Variants in GRIK4 observed in about 807,000 individuals in gnomAD.
The protein encoded by GRIK4 is glutamate receptor ionotropic, kainate 4.
A neutral mutation model predicts 104.9 loss-of-function variants in GRIK4; 40 were observed. The ratio of observed to expected loss-of-function variants is 0.38; its 90% CI spans 0.30 to 0.50. The LOEUF (loss-of-function observed/expected upper bound fraction) is 0.50, where lower values mean the gene tolerates loss of function less well. GRIK4 is among the 20% of genes least tolerant of loss of function. The pLI, the probability that GRIK4 is intolerant of heterozygous loss-of-function variation, is 0.93. For synonymous variants in GRIK4, 485 were observed against 524.9 expected, an observed-to-expected ratio of 0.92 and a Z score of 1.04; for missense variants, 1,047 against 1,308.1, an observed-to-expected ratio of 0.80 and a Z score of 3.08.
chr11:120,962,365 G>T (rs1481903298), intron 17 of GRIK4, 91 bp from the exon 18 acceptor site: 3 of 786,376 alleles, frequency 3.8e-6, no homozygotes, highest in Non-Finnish European at 2.1e-6. Context: ...AGAAGGGCCG[G>T]CATCTTAAGG....
intron 1 of GRIK4, among the ~76,000 whole-genome samples, chr11:120,556,743 G>A (rs185749468): frequency 2.0e-5 from 3 of 152,248 alleles, no homozygotes; most frequent in South Asian, 2.1e-4. Flanking sequence ...AGAGGAACAC[G>A]TTTTTAAAAC....
intron 13 of GRIK4, among the ~76,000 whole-genome samples, chr11:120,924,746 C>A (rs765462072): frequency 1.8e-4 from 28 of 152,162 alleles, no homozygotes; most frequent in Non-Finnish European, 3.7e-4. Flanking sequence ...TGTGAAAAAA[C>A]AGTTTTGGGG....
chr11:120,567,915 C>A (rs1198987671), intron 1 of GRIK4, among the ~76,000 whole-genome samples: 3 of 152,220 alleles, frequency 2.0e-5, no homozygotes, highest in Non-Finnish European at 4.4e-5. Context: ...CATGGTGGCT[C>A]ATGCCTATAA....
At chr11:120,669,712 C>A (rs1422825550) in intron 3 of GRIK4, among the ~76,000 whole-genome samples, 1 of 152,248 alleles carries the variant, frequency 6.6e-6, no homozygotes, top group Admixed American at 6.5e-5. Flanking sequence ...CTGTTTCTGG[C>A]TATTCCTTCT....
At chr11:120,529,702 C>G (rs573940893) in intron 1 of GRIK4, among the ~76,000 whole-genome samples, 1 of 152,180 alleles carries the variant, frequency 6.6e-6, no homozygotes, top group Non-Finnish European at 1.5e-5. Flanking sequence ...TAGCCTCTCT[C>G]GCAACCTGCC....
intron 1 of GRIK4, among the ~76,000 whole-genome samples, chr11:120,598,687 C>A (rs1243085574): frequency 2.6e-5 from 4 of 152,186 alleles, no homozygotes; most frequent in African/African-American, 9.7e-5. Context: ...GACCACATGG[C>A]CTCTTATCTT....
At chr11:120,850,164 A>T (rs2135597516) in intron 8 of GRIK4, among the ~76,000 whole-genome samples, 1 of 152,316 alleles carries the variant, frequency 6.6e-6, no homozygotes, top group East Asian at 1.9e-4. Flanking sequence ...CCTCTTCTGC[A>T]AACAGCCAGT....
At chr11:120,676,578 T>C (rs1950102627) in intron 3 of GRIK4, among the ~76,000 whole-genome samples, 1 of 152,166 alleles carries the variant, frequency 6.6e-6, no homozygotes, top group Non-Finnish European at 1.5e-5. Flanking sequence ...GTCTTGACTT[T>C]CTAACAACCC....
intron 6 of GRIK4, among the ~76,000 whole-genome samples, chr11:120,821,706 AG>A (rs1953130257): frequency 6.6e-6 from 1 of 152,274 alleles, no homozygotes; most frequent in African/African-American, 2.4e-5. Flanking sequence ...CTTGTTCAAC[AG>A]GCAGACCCTG....
chr11:120,747,807 G>A (rs954121477), intron 3 of GRIK4, among the ~76,000 whole-genome samples: 1 of 152,112 alleles, frequency 6.6e-6, no homozygotes, highest in Admixed American at 6.5e-5. Flanking sequence ...GTCAGCTTAG[G>A]GCCTGGCACA....
intron 3 of GRIK4, among the ~76,000 whole-genome samples, chr11:120,792,860 A>G (rs1952428680): frequency 6.6e-6 from 1 of 152,168 alleles, no homozygotes; most frequent in Non-Finnish European, 1.5e-5. Context: ...GGAGGCGGCT[A>G]TGAAATAGAT....
Position 120,519,875 on chromosome 11 carries a change from T to G in GRIK4, c.-159+7988T>G, listed in dbSNP as rs77330113. 2.2e-3 allele frequency among the ~76,000 whole-genome samples: 226 copies of G among 103,892 alleles called. 2 individuals carry two copies. Among genetic ancestry groups the G allele is most frequent in the South Asian group, 0.013 (35 of 2,742 alleles). The allele number at this position is 103,892 out of a possible 152,430, so 68.2% of individuals were successfully genotyped here. On this transcript the variant is annotated intron_variant, in intron 1 of 20. Transcript: ENST00000527524. Reference sequence around the variant, plus strand: ...GCTACCTCACTACTGGTTTTTTTTTTTTTTGTTTTTTTTTTTGTTGTTGTT... The same window carrying G: ...GCTACCTCACTACTGGTTTTTTTTTGTTTTGTTTTTTTTTTTGTTGTTGTT...
intron 7 of GRIK4, among the ~76,000 whole-genome samples, chr11:120,833,081 TTCCCTCCC>T (rs909203356): frequency 1.2e-4 from 18 of 152,124 alleles, no homozygotes; most frequent in African/African-American, 4.1e-4. Context: ...TCTCCCCTCC[TTCCCTCCC>T]TCCCTCCCAG....
intron 3 of GRIK4, among the ~76,000 whole-genome samples, chr11:120,668,881 C>T (rs571040333): frequency 4.1e-4 from 63 of 152,264 alleles, no homozygotes; most frequent in African/African-American, 1.4e-3. Flanking sequence ...CTGTTTTATG[C>T]TTTTATAAGA....
chr11:120,758,734 A>G (rs1202982965), intron 3 of GRIK4, among the ~76,000 whole-genome samples: 1 of 152,238 alleles, frequency 6.6e-6, no homozygotes, highest in South Asian at 2.1e-4. Context: ...GGGAGAGGGC[A>G]GCTAAAAATA....
At chr11:120,946,856 T>C (rs986294455) in intron 14 of GRIK4, among the ~76,000 whole-genome samples, 1 of 152,174 alleles carries the variant, frequency 6.6e-6, no homozygotes, top group Non-Finnish European at 1.5e-5. Flanking sequence ...GTGTCAACGC[T>C]ATTCTTTAGA....
At chr11:120,699,021 G>C (rs531350682) in intron 3 of GRIK4, among the ~76,000 whole-genome samples, 1 of 152,298 alleles carries the variant, frequency 6.6e-6, no homozygotes, top group Admixed American at 6.5e-5. Context: ...CTGGATTCAG[G>C]GATGATCTCC....
chr11:120,877,977 C>T (rs1363985896), intron 11 of GRIK4, among the ~76,000 whole-genome samples: 4 of 152,198 alleles, frequency 2.6e-5, no homozygotes, highest in Non-Finnish European at 5.9e-5. Flanking sequence ...GATTAGGCTC[C>T]AAGTACCTCT....
intron 9 of GRIK4, chr11:120,867,872 T>C (rs1300767667): frequency 6.6e-6 from 1 of 152,202 alleles, no homozygotes; most frequent in African/African-American, 2.4e-5. Context: ...ACAAAAATCC[T>C]GGAAAATCAT....
Sources: gnomAD v4.1 joint callset for allele counts (sites outside exome capture counted in the v4.1 genomes callset) on GRCh38, gnomAD v4.1.1 for gene constraint, MANE v1.5 for transcripts, NCBI Gene and HGNC (gene_info 2026-07-23, HGNC 2026-07-21) for gene names.